KDM4C: variants seen among roughly 807,000 people sequenced by gnomAD.
The protein encoded by KDM4C is lysine-specific demethylase 4C.
A neutral mutation model predicts 129.3 loss-of-function variants in KDM4C; 81 were observed. The ratio of observed to expected loss-of-function variants is 0.63; its 90% CI spans 0.52 to 0.75. KDM4C has a LOEUF of 0.75. Ranked by LOEUF, KDM4C falls within the 30% of genes least tolerant of loss-of-function variation. The probability of loss-of-function intolerance (pLI) is 0.00; values close to 1 mark genes in which losing one functional copy is unlikely to be tolerated. For missense variants in KDM4C, 1,457 were observed against 1,304.0 expected, an observed-to-expected ratio of 1.12 and a Z score of -1.81; for synonymous variants, 573 against 456.1, an observed-to-expected ratio of 1.26 and a Z score of -3.26.
At chr9:6,959,586 A>C (rs1385446285) in intron 8 of KDM4C, among the ~76,000 whole-genome samples, 2 of 152,204 alleles carry the variant, frequency 1.3e-5, no homozygotes, top group Non-Finnish European at 2.9e-5. Context: ...TTACTGAGGA[A>C]GTTTGTATCT....
chr9:7,109,190 A>G (rs893553156), intron 18 of KDM4C, among the ~76,000 whole-genome samples: 1 of 152,210 alleles, frequency 6.6e-6, no homozygotes, highest in Non-Finnish European at 1.5e-5. Flanking sequence ...CTGAAACTAA[A>G]GATATATTTT....
At chr9:6,822,713 G>A (rs536644937) in intron 4 of KDM4C, among the ~76,000 whole-genome samples, 1 of 152,042 alleles carries the variant, frequency 6.6e-6, no homozygotes, top group Non-Finnish European at 1.5e-5. Flanking sequence ...GAGTTTCTTC[G>A]GGAAACAAAA....
At chr9:6,754,881 A>G (rs1490349659), upstream of KDM4C, among the ~76,000 whole-genome samples, 5 of 80,712 alleles carry the variant, frequency 6.2e-5, no homozygotes, top group African/African-American at 1.2e-4. Context: ...GTCTCAAAGT[A>G]AAAAAAAAAA....
At chr9:6,762,695 G>C (rs928581587) in intron 1 of KDM4C, among the ~76,000 whole-genome samples, 2 of 146,482 alleles carry the variant, frequency 1.4e-5, no homozygotes, top group African/African-American at 5.0e-5. Flanking sequence ...TCTCGCCCTT[G>C]TTGCCCAGGC....
At chr9:6,855,214 A>G (rs575417819) in intron 5 of KDM4C, among the ~76,000 whole-genome samples, 1 of 152,282 alleles carries the variant, frequency 6.6e-6, no homozygotes, top group South Asian at 2.1e-4. Flanking sequence ...TAATCCCAGC[A>G]CTTTGGGAGG....
At chr9:7,061,988 G>C (rs560492514) in intron 17 of KDM4C, among the ~76,000 whole-genome samples, 2 of 152,158 alleles carry the variant, frequency 1.3e-5, no homozygotes, top group Non-Finnish European at 2.9e-5. Context: ...CTTTTCTTGA[G>C]ACAGAGTCTG....
At chr9:6,809,840 A>G (rs957017304) in intron 3 of KDM4C, among the ~76,000 whole-genome samples, 6 of 152,156 alleles carry the variant, frequency 3.9e-5, no homozygotes, top group African/African-American at 1.2e-4. Context: ...TCTACAATAA[A>G]TACAAAAATT....
intron 8 of KDM4C, among the ~76,000 whole-genome samples, chr9:6,968,541 C>A (rs191788375): frequency 6.6e-6 from 1 of 152,192 alleles, no homozygotes; most frequent in Non-Finnish European, 1.5e-5. Context: ...TAAACTGTTT[C>A]CACATATTTT....
intron 12 of KDM4C, among the ~76,000 whole-genome samples, chr9:7,008,583 C>T (rs1822109998): frequency 6.6e-6 from 1 of 152,172 alleles, no homozygotes. Context: ...AAGACCCTGG[C>T]ATTGGGCCAA....
chr9:7,090,931 G>T (rs1348374781), intron 17 of KDM4C, among the ~76,000 whole-genome samples: 1 of 152,174 alleles, frequency 6.6e-6, no homozygotes, highest in African/African-American at 2.4e-5. Flanking sequence ...AGAATGAATT[G>T]TACATCCTAT....
At chr9:6,865,245 T>C (rs999451558) in intron 5 of KDM4C, among the ~76,000 whole-genome samples, 8 of 152,156 alleles carry the variant, frequency 5.3e-5, no homozygotes, top group Non-Finnish European at 1.2e-4. Context: ...CCTGACCTCG[T>C]GATCCGACCG....
intron 15 of KDM4C, among the ~76,000 whole-genome samples, chr9:7,039,272 TTTTTGGTGTGAGG>T (rs1318270120): frequency 6.6e-6 from 1 of 151,924 alleles, no homozygotes; most frequent in Non-Finnish European, 1.5e-5. Context: ...TACTGAATAG[TTTTTGGTGTGAGG>T]TTTTGGTTAT....
At position 6,900,507 on chromosome 9, in the gene KDM4C, C is replaced by T. The variant is rs181591112; in HGVS notation, c.921+7275C>T. Among the ~76,000 whole-genome samples the T allele has an allele frequency of 2.0e-4, 31 of 152,264 alleles. 1 individual carries two copies. Among genetic ancestry groups the T allele is most frequent in the African/African-American group, 6.5e-4 (27 of 41,558 alleles). On this transcript the variant is annotated intron_variant, in intron 8 of 21. Transcript: ENST00000381309. ...GTGGAGCCAGGGGCATGGTGGCATACGCCTGTCATCCCAGCACTTTGGGAG... is the reference window on the plus strand; with the variant it reads ...GTGGAGCCAGGGGCATGGTGGCATATGCCTGTCATCCCAGCACTTTGGGAG...
intron 4 of KDM4C, among the ~76,000 whole-genome samples, chr9:6,816,576 A>G (rs1832134823): frequency 6.6e-6 from 1 of 152,170 alleles, no homozygotes; most frequent in Non-Finnish European, 1.5e-5. Flanking sequence ...ATACCTTCTT[A>G]TATACCTTAT....
chr9:6,812,904 G>A (rs555223124), intron 3 of KDM4C, among the ~76,000 whole-genome samples: 2 of 152,270 alleles, frequency 1.3e-5, no homozygotes, highest in South Asian at 2.1e-4. Context: ...GGCTGGGTGC[G>A]GTGGCTCTCG....
intron 1 of KDM4C, among the ~76,000 whole-genome samples, chr9:6,728,224 T>G (rs921845110): frequency 1.3e-5 from 2 of 152,160 alleles, no homozygotes; most frequent in African/African-American, 4.8e-5. Flanking sequence ...CGTATTTAAA[T>G]TCTCTGAGTA....
At chr9:6,776,889 C>T (rs578023055) in intron 1 of KDM4C, among the ~76,000 whole-genome samples, 19 of 152,162 alleles carry the variant, frequency 1.2e-4, no homozygotes, top group Admixed American at 3.3e-4. Context: ...GGCGTGAGCC[C>T]GCGTGCTGGG....
intron 15 of KDM4C, among the ~76,000 whole-genome samples, chr9:7,044,949 T>G (rs553646079): frequency 5.3e-5 from 8 of 152,068 alleles, no homozygotes; most frequent in African/African-American, 1.9e-4. Flanking sequence ...AGAAAATCTT[T>G]CAGGAAGGAT....
At chr9:6,808,024 C>T (rs573603791) in intron 3 of KDM4C, among the ~76,000 whole-genome samples, 17,877 of 104,064 alleles carry the variant, frequency 0.17, 2,239 homozygotes, top group Non-Finnish European at 0.25. Context: ...GCCAGCCGCC[C>T]CGTCCGGGAG....
Sources: allele counts gnomAD v4.1 joint callset (sites outside exome capture counted in the v4.1 genomes callset), GRCh38; gene constraint gnomAD v4.1.1; transcripts MANE v1.5; gene names NCBI Gene and HGNC (gene_info 2026-07-23, HGNC 2026-07-21).